Variants in RPS6KC1 observed in about 807,000 individuals in gnomAD.
The protein encoded by RPS6KC1 is inactive ribosomal protein S6 kinase delta-1.
A neutral mutation model predicts 103.8 loss-of-function variants in RPS6KC1; 54 were observed. That is an observed-to-expected ratio of 0.52 (90% confidence interval 0.42 to 0.65). The LOEUF (loss-of-function observed/expected upper bound fraction) is 0.65. RPS6KC1 is among the 30% of genes least tolerant of loss of function. The pLI, the probability that RPS6KC1 is intolerant of heterozygous loss-of-function variation, is 0.00. For synonymous variants in RPS6KC1, 439 were observed against 438.7 expected (o/e 1.00, Z -0.01); for missense variants, 1,151 against 1,253.8 (o/e 0.92, Z 1.24).
chr1:213,220,613 C>T (rs146716800), intron 8 of RPS6KC1, among the ~76,000 whole-genome samples: 58 of 152,342 alleles, frequency 3.8e-4, no homozygotes, highest in African/African-American at 9.6e-4. Flanking sequence ...ATGTGAGTCA[C>T]TGTGCCCAGC....
intron 3 of RPS6KC1, among the ~76,000 whole-genome samples, chr1:213,079,953 G>GA (rs2079717439): frequency 9.4e-6 from 1 of 106,694 alleles, no homozygotes; most frequent in Non-Finnish European, 1.8e-5. Context: ...TTTCACTCTT[G>GA]TCACCCAGAC....
At position 213,244,625 on chromosome 1, in the gene RPS6KC1, A is replaced by G. The variant is rs141411908; in HGVS notation, c.2911+1967A>G. ...AACATGTTGGTATCCTGAGAGTTTTAATATATGTGGAACAGAACCATATTA... is the reference window on the plus strand; with the variant it reads ...AACATGTTGGTATCCTGAGAGTTTTGATATATGTGGAACAGAACCATATTA... On this transcript the variant is annotated intron_variant, in intron 12 of 14. Coordinates refer to ENST00000366960, the MANE Select transcript of RPS6KC1 (RefSeq NM_012424.6). 2.0e-5 allele frequency among the ~76,000 whole-genome samples: 3 copies of G among 152,280 alleles called. 1 individual carries two copies. Among genetic ancestry groups the G allele is most frequent in the African/African-American group, 7.2e-5 (3 of 41,558 alleles).
intron 8 of RPS6KC1, among the ~76,000 whole-genome samples, chr1:213,211,866 G>T (rs993773042): frequency 6.6e-6 from 1 of 152,154 alleles, no homozygotes; most frequent in African/African-American, 2.4e-5. Flanking sequence ...GTAATCCAAG[G>T]ATCTGGCCAA....
the RPS6KC1 span, among the ~76,000 whole-genome samples, chr1:213,667,192 A>C: frequency 6.6e-6 from 1 of 152,198 alleles, no homozygotes; most frequent in African/African-American, 2.4e-5. Context: ...TACAAAAGAA[A>C]AAAAGAAGTT....
At chr1:213,614,122 G>A in the RPS6KC1 span, among the ~76,000 whole-genome samples, 2 of 152,158 alleles carry the variant, frequency 1.3e-5, no homozygotes, top group South Asian at 2.1e-4. Flanking sequence ...TGCTTTATCC[G>A]CAGCTACAAT....
chr1:213,767,793 G>A, the RPS6KC1 span, among the ~76,000 whole-genome samples: 6 of 152,320 alleles, frequency 3.9e-5, no homozygotes, highest in Admixed American at 1.3e-4. Flanking sequence ...CAGAGGCCAC[G>A]TGGTTAGTGA....
chr1:213,771,521 G>C, the RPS6KC1 span, among the ~76,000 whole-genome samples: 10 of 152,334 alleles, frequency 6.6e-5, 1 homozygote, highest in South Asian at 2.1e-3. Context: ...ACCTCCGGAG[G>C]AGAGGGAAAT....
At chr1:213,300,596 G>C in the RPS6KC1 span, among the ~76,000 whole-genome samples, 1 of 152,186 alleles carries the variant, frequency 6.6e-6, no homozygotes, top group East Asian at 1.9e-4. Context: ...GGCTCTGTGT[G>C]TGGGGGAAGT....
intron 8 of RPS6KC1, among the ~76,000 whole-genome samples, chr1:213,216,516 T>C (rs534210118): frequency 3.2e-4 from 48 of 151,878 alleles, no homozygotes; most frequent in Admixed American, 7.9e-4. Context: ...CTGCACCAAG[T>C]GGACCTAATA....
At chr1:213,504,029 A>T in the RPS6KC1 span, among the ~76,000 whole-genome samples, 2 of 152,322 alleles carry the variant, frequency 1.3e-5, no homozygotes, top group South Asian at 4.2e-4. Context: ...ATCATGATTT[A>T]TGTAGACTCT....
At chr1:213,171,301 G>GT (rs924495404) in intron 7 of RPS6KC1, among the ~76,000 whole-genome samples, 9 of 149,756 alleles carry the variant, frequency 6.0e-5, no homozygotes, top group Admixed American at 1.3e-4. Flanking sequence ...AGGAAATGAG[G>GT]TTTTTTTTAA....
the RPS6KC1 span, among the ~76,000 whole-genome samples, chr1:213,478,348 AT>A: frequency 2.0e-5 from 3 of 152,112 alleles, no homozygotes; most frequent in Non-Finnish European, 4.4e-5. Context: ...TATGGATATA[AT>A]TTTTTAACTC....
the RPS6KC1 span, among the ~76,000 whole-genome samples, chr1:213,778,111 C>G: frequency 6.6e-6 from 1 of 152,166 alleles, no homozygotes; most frequent in South Asian, 2.1e-4. Flanking sequence ...CTCAGAGGAC[C>G]AGTGTAGCCT....
the RPS6KC1 span, among the ~76,000 whole-genome samples, chr1:213,433,633 A>G: frequency 2.6e-5 from 4 of 152,174 alleles, no homozygotes; most frequent in Non-Finnish European, 5.9e-5. Context: ...ATTCTCACCA[A>G]CACTTGGTTT....
At chr1:213,796,706 C>G in the RPS6KC1 span, among the ~76,000 whole-genome samples, 4 of 152,148 alleles carry the variant, frequency 2.6e-5, no homozygotes, top group African/African-American at 9.7e-5. Context: ...TTCACACAGG[C>G]ACATTTATCT....
At chr1:213,589,601 C>T in the RPS6KC1 span, among the ~76,000 whole-genome samples, 1 of 150,398 alleles carries the variant, frequency 6.6e-6, no homozygotes, top group African/African-American at 2.5e-5. Flanking sequence ...GAGATTGCGC[C>T]ATTGCACTCT....
intron 4 of RPS6KC1, among the ~76,000 whole-genome samples, chr1:213,114,674 TATG>T (rs2083392277): frequency 6.6e-6 from 1 of 152,040 alleles, no homozygotes; most frequent in African/African-American, 2.4e-5. Context: ...GCCCATTCAG[TATG>T]ATATTGGCTG....
chr1:213,581,531 A>G, the RPS6KC1 span, among the ~76,000 whole-genome samples: 1 of 152,078 alleles, frequency 6.6e-6, no homozygotes, highest in Admixed American at 6.5e-5. Flanking sequence ...GGCAAGGGGC[A>G]TGGGCTCGAG....
At chr1:213,167,439 AACACACACACACACACACACACAC>A (rs199762137) in intron 6 of RPS6KC1, among the ~76,000 whole-genome samples, 7 of 75,946 alleles carry the variant, frequency 9.2e-5, no homozygotes, top group Non-Finnish European at 1.6e-4. Flanking sequence ...CAAGGTTGAA[AACACACACACACACACACACACAC>A]ACACACACAC....
Sources: gnomAD v4.1 joint callset for allele counts (sites outside exome capture counted in the v4.1 genomes callset) on GRCh38, gnomAD v4.1.1 for gene constraint, MANE v1.5 for transcripts, NCBI Gene and HGNC (gene_info 2026-07-23, HGNC 2026-07-21) for gene names.